ADGRG4: variants seen among roughly 807,000 people sequenced by gnomAD.
ADGRG4 encodes adhesion G protein-coupled receptor G4, also known as G protein-coupled receptor 112.
Under a neutral mutation model 126.2 loss-of-function variants are expected in ADGRG4, and 122 were observed. That is an observed-to-expected ratio of 0.97 (90% confidence interval 0.83 to 1.12). The LOEUF is 1.12. ADGRG4 is among the 50% of genes most tolerant of loss of function. The pLI is 0.00. For missense variants in ADGRG4, 2,481 were observed against 2,251.8 expected (o/e 1.10, Z -2.06); for synonymous variants, 943 against 838.7 (o/e 1.12, Z -2.15).
chrX:136,350,818 GAAAACACCAGAAA>G (rs1313387638), intron 6 of ADGRG4, among the ~76,000 whole-genome samples: 2 of 110,515 alleles, frequency 1.8e-5, no homozygotes, highest in Non-Finnish European at 3.8e-5. Context: ...CCACACACCA[GAAAACACCAGAAA>G]AAAACACCAG....
In ADGRG4 at chrX:136,393,239, C is replaced by T. The variant is rs958905209; in HGVS notation, c.8035-296C>T. ...CAGCCCTGCATTGACTATCCATAGC[C>T]TTGTACCAGAAGGGCATGGCAATTT... On this transcript the variant is annotated intron_variant, in intron 17 of 25. Coordinates refer to ENST00000394143, the MANE Select transcript of ADGRG4 (RefSeq NM_153834.4). 3.6e-5 allele frequency among the ~76,000 whole-genome samples: 4 copies of T among 111,950 alleles called. No individual in the cohort carries two copies. In the Admixed American group the frequency reaches 3.8e-4, roughly 11 times the overall value.
At chrX:136,305,357 C>T (rs1420951936) in intron 3 of ADGRG4, among the ~76,000 whole-genome samples, 1 of 111,602 alleles carries the variant, frequency 9.0e-6, no homozygotes, top group Non-Finnish European at 1.9e-5. Context: ...GTTCTAGCTC[C>T]TGCTTTACCT....
intron 5 of ADGRG4, among the ~76,000 whole-genome samples, chrX:136,338,172 T>C (rs755099324): frequency 7.3e-5 from 8 of 109,594 alleles, no homozygotes; most frequent in African/African-American, 2.3e-4. Context: ...TTTTTTTTTT[T>C]TTCAATACAG....
At chrX:136,359,854 C>G (rs959321291) in intron 11 of ADGRG4, among the ~76,000 whole-genome samples, 1 of 112,001 alleles carries the variant, frequency 8.9e-6, no homozygotes, top group Non-Finnish European at 1.9e-5. Flanking sequence ...GATCAGGGAA[C>G]TGTCCCAGAT....
chrX:136,349,624 A>C lies in ADGRG4; in HGVS notation c.5918A>C (p.His1973Pro). ...ACTTCCACATTGGCTGACGTTAAGC[A>C]CACATTTGAGAAAATGACCACATCT... Reference protein sequence around the residue: ...AITSTLADVKHTFEKMTTSVT... With the variant: ...AITSTLADVKPTFEKMTTSVT... The change falls in exon 6 of 26, where the codon CAC (histidine) becomes CCC (proline). Residue 1973 changes from histidine to proline, a missense_variant. By Grantham distance (77) the His-to-Pro change is moderately conservative (BLOSUM62 -2). Coordinates refer to ENST00000394143, the MANE Select transcript of ADGRG4 (RefSeq NM_153834.4). 1 of 1,209,590 alleles carries C rather than the reference A, an allele frequency of 8.3e-7. No individual in the cohort carries two copies. Among genetic ancestry groups the C allele is most frequent in the Non-Finnish European group, 1.1e-6 (1 of 893,780 alleles).
rs1241956382 is a variant in ADGRG4, at chrX:136,361,599, C to T, written c.7277+12C>T. 3.5e-6 allele frequency: 4 copies of T among 1,128,221 alleles called. No individual in the cohort carries two copies. The highest frequency in any genetic ancestry group is 1.8e-5 in the African/African-American group (1 of 55,129). The allele number at this position is 1,128,221 out of a possible 1,213,427, so 93.0% of individuals were successfully genotyped here. On this transcript the variant is annotated intron_variant, in intron 12 of 25. Coordinates refer to ENST00000394143, the MANE Select transcript of ADGRG4 (RefSeq NM_153834.4). ...GCCACAAGATTCTGGTATGTACAGGCCAAGTTCTAATTGCTGATTCAGATA... is the reference window on the plus strand; with the variant it reads ...GCCACAAGATTCTGGTATGTACAGGTCAAGTTCTAATTGCTGATTCAGATA...
chrX:136,415,180 T>G (rs763799889), intron 25 of ADGRG4, among the ~76,000 whole-genome samples: 5 of 112,105 alleles, frequency 4.5e-5, no homozygotes, highest in Non-Finnish European at 9.4e-5. Context: ...GTCATTCTCC[T>G]GCCTTCTCAG....
rs1603294900 is a variant in ADGRG4 at position 136,347,545 on chromosome X, C to T, written c.3839C>T (p.Ser1280Leu). The change falls in exon 6 of 26, where the codon TCA becomes TTA. Residue 1280 changes from serine to leucine, a missense_variant. Physicochemically the swap from Ser to Leu is moderately radical, Grantham distance 145. Coordinates refer to ENST00000394143, the MANE Select transcript of ADGRG4 (RefSeq NM_153834.4). ...RTMEVTEMSP[S>L]KNSFISYSRG... The stretch of plus-strand genomic sequence containing the variant: ...ATGGAGGTGACAGAAATGTCCCCAT[C>T]AAAGAATTCTTTTATTTCATACTCC... The T allele has an allele frequency of 8.3e-7, 1 of 1,208,908 alleles. No homozygotes were observed. Among genetic ancestry groups the T allele is most frequent in the Non-Finnish European group, 1.1e-6 (1 of 893,437 alleles).
chrX:136,328,596 A>C (rs996417119), intron 5 of ADGRG4, among the ~76,000 whole-genome samples: 1 of 112,225 alleles, frequency 8.9e-6, no homozygotes, highest in South Asian at 3.7e-4. Flanking sequence ...TAGCATCCCT[A>C]TATCTGCGGG....
intron 12 of ADGRG4, 114 bp from the exon 13 acceptor site, chrX:136,363,363 C>A: frequency 1.8e-6 from 1 of 558,752 alleles, no homozygotes; most frequent in Admixed American, 2.6e-5. Context: ...GCTTTCTATG[C>A]CAGGAGGCTT....
At chrX:136,363,335 T>C (rs1053106456) in intron 12 of ADGRG4, 142 bp from the exon 13 acceptor site, 25 of 489,426 alleles carry the variant, frequency 5.1e-5, no homozygotes, top group Non-Finnish European at 9.1e-5. Flanking sequence ...CACAAAGAAG[T>C]ACTGGGCTCC....
chrX:136,359,691 G>T (rs1364184180), intron 11 of ADGRG4, among the ~76,000 whole-genome samples: 1 of 110,995 alleles, frequency 9.0e-6, no homozygotes, highest in Non-Finnish European at 1.9e-5. Flanking sequence ...CTGGATATTA[G>T]CAATGGCCAA....
At chrX:136,354,498 A>G (rs898204826) in intron 8 of ADGRG4, among the ~76,000 whole-genome samples, 1 of 111,642 alleles carries the variant, frequency 9.0e-6, no homozygotes, top group Non-Finnish European at 1.9e-5. Context: ...TCAATATAGA[A>G]GACTTCTACG....
chrX:136,347,679 G>C lies in ADGRG4; in HGVS notation c.3973G>C (p.Asp1325His). Reference protein sequence around the residue: ...PSEIPLGTPSDGNLASSPTSG... With the variant: ...PSEIPLGTPSHGNLASSPTSG... The stretch of plus-strand genomic sequence containing the variant: ...AGAGATTCCACTTGGGACTCCCTCT[G>C]ATGGAAATTTGGCTTCATCTCCCAC... Residue 1325 changes from aspartate (D) to histidine (H), a missense_variant, in exon 6 of 26, where the codon GAT becomes CAT. Transcript: ENST00000394143. The C allele has an allele frequency of 8.3e-7, 1 of 1,210,838 alleles. No individual in the cohort carries two copies. Among genetic ancestry groups the C allele is most frequent in the South Asian group, 1.8e-5 (1 of 56,868 alleles).
At position 136,346,293 on chromosome X, in the gene ADGRG4, C is replaced by T. The variant is rs148957422; in HGVS notation, c.2587C>T (p.Pro863Ser). The T allele has an allele frequency of 1.0e-4, 125 of 1,209,310 alleles. No homozygotes were observed. The African/African-American group carries it at 2.0e-3, about 19-fold the overall frequency. The change falls in exon 6 of 26, where the codon CCA (proline) becomes TCA (serine). Residue 863 changes from proline to serine, a missense_variant. Coordinates refer to ENST00000394143, the MANE Select transcript of ADGRG4 (RefSeq NM_153834.4). Reference sequence around the variant, plus strand: ...TATAGCAGCAGTGGCTGAGGTTTCTCCATTTTCAACAATGCTGGAAGTGAC... The same window carrying T: ...TATAGCAGCAGTGGCTGAGGTTTCTTCATTTTCAACAATGCTGGAAGTGAC... ...STIAAVAEVSPFSTMLEVTDE... is the reference protein window; with the variant it reads ...STIAAVAEVSSFSTMLEVTDE...
chrX:136,375,967 G>A (rs1265185992), intron 15 of ADGRG4, among the ~76,000 whole-genome samples: 1 of 112,073 alleles, frequency 8.9e-6, no homozygotes, highest in Non-Finnish European at 1.9e-5. Flanking sequence ...CTAGGCCAAT[G>A]TTCAGAAGAG....
At chrX:136,303,165 C>T (rs1373362904) in intron 1 of ADGRG4, among the ~76,000 whole-genome samples, 1 of 111,929 alleles carries the variant, frequency 8.9e-6, no homozygotes, top group Non-Finnish European at 1.9e-5. Context: ...ACAAAAAATA[C>T]AAAAATTAGC....
intron 15 of ADGRG4, 39 bp from the exon 16 acceptor site, chrX:136,387,701 T>C: frequency 8.4e-7 from 1 of 1,189,105 alleles, no homozygotes; most frequent in Non-Finnish European, 1.1e-6. Flanking sequence ...CTATGATGAA[T>C]GAAGACTCCA....
At chrX:136,343,952 G>A (rs982522798) in intron 5 of ADGRG4, among the ~76,000 whole-genome samples, 4 of 111,646 alleles carry the variant, frequency 3.6e-5, no homozygotes, top group Non-Finnish European at 7.6e-5. Flanking sequence ...TGAATCTAAG[G>A]TTGATTTTTT....
Sources: gnomAD v4.1 joint callset for allele counts (sites outside exome capture counted in the v4.1 genomes callset) on GRCh38, gnomAD v4.1.1 for gene constraint, MANE v1.5 for transcripts, NCBI Gene and HGNC (gene_info 2026-07-23, HGNC 2026-07-21) for gene names.